DCDC1: variants seen among roughly 807,000 people sequenced by gnomAD.
DCDC1 encodes the protein doublecortin domain containing 1.
DCDC1 carries 200 observed loss-of-function variants against 178.3 expected under a neutral mutation model. That is an observed-to-expected ratio of 1.12 (90% CI 1.00 to 1.26). The LOEUF is 1.26. DCDC1 is among the 50% of genes most tolerant of loss of function. The pLI is 0.00. For missense variants in DCDC1, 1,983 were observed against 1,749.2 expected (o/e 1.13, Z -2.38); for synonymous variants, 690 against 604.8 (o/e 1.14, Z -2.07).
At chr11:31,135,709 T>C (rs1240225797) in intron 10 of DCDC1, among the ~76,000 whole-genome samples, 2 of 152,146 alleles carry the variant, frequency 1.3e-5, no homozygotes, top group African/African-American at 4.8e-5. Flanking sequence ...AAAAGACTTT[T>C]TGAGCCAGAG....
intron 21 of DCDC1, among the ~76,000 whole-genome samples, chr11:30,940,058 T>G (rs2134380086): frequency 6.6e-6 from 1 of 152,342 alleles, no homozygotes; most frequent in African/African-American, 2.4e-5. Context: ...CAAAGTTACT[T>G]GTAATATTCT....
Position 31,306,235 on chromosome 11 carries a change from G to T in DCDC1, c.588C>A (p.Thr196=), listed in dbSNP as rs148686927. Reference sequence around the variant, plus strand: ...AAAACTTTGGAACACTAGTTACCAAGGTGATGGTTGGTACAGTAACTCTGG... The same window carrying T: ...AAAACTTTGGAACACTAGTTACCAATGTGATGGTTGGTACAGTAACTCTGG... The part of the protein sequence containing the change: ...VFARVTVPTI[T]LLLEECTEKL... Residue 196 remains threonine, a synonymous_variant, in exon 5 of 39, where the codon ACC becomes ACA. Coordinates refer to ENST00000684477, the MANE Select transcript of DCDC1 (RefSeq NM_001387274.1). 338 of 1,532,376 alleles carry T rather than the reference G, an allele frequency of 2.2e-4. 1 individual carries two copies. The African/African-American group carries it at 4.3e-3, about 19-fold the overall frequency. The allele number at this position is 1,532,376 out of a possible 1,614,324, so 94.9% of individuals were successfully genotyped here.
At chr11:31,275,921 T>C (rs899813391) in intron 7 of DCDC1, among the ~76,000 whole-genome samples, 5 of 152,224 alleles carry the variant, frequency 3.3e-5, no homozygotes, top group African/African-American at 7.2e-5. Flanking sequence ...TAATCATTCA[T>C]AGAGACGAGA....
chr11:30,921,055 G>A, intron 24 of DCDC1, 120 bp from the exon 25 acceptor site: 1 of 981,888 alleles, frequency 1.0e-6, no homozygotes, highest in Non-Finnish European at 1.4e-6. Context: ...TCTATTCATA[G>A]GTTACTTATT....
At chr11:31,344,521 A>G (rs912137872) in intron 1 of DCDC1, among the ~76,000 whole-genome samples, 8 of 152,184 alleles carry the variant, frequency 5.3e-5, no homozygotes, top group African/African-American at 1.9e-4. Context: ...TGGACAAGTT[A>G]CGTAACATCT....
chr11:31,329,625 C>T (rs1949855274), intron 2 of DCDC1, among the ~76,000 whole-genome samples: 1 of 152,136 alleles, frequency 6.6e-6, no homozygotes, highest in Non-Finnish European at 1.5e-5. Context: ...GTTCAATTCC[C>T]ACCTATGAGT....
intron 8 of DCDC1, among the ~76,000 whole-genome samples, chr11:31,252,466 T>C (rs894953429): frequency 7.2e-5 from 11 of 152,146 alleles, no homozygotes; most frequent in African/African-American, 2.7e-4. Flanking sequence ...AAGTTCAATA[T>C]AGATTAATTA....
chr11:31,216,767 G>A (rs1053457177), intron 9 of DCDC1, among the ~76,000 whole-genome samples: 1 of 152,060 alleles, frequency 6.6e-6, no homozygotes, highest in African/African-American at 2.4e-5. Flanking sequence ...ATGGTCTGTG[G>A]CCTTCAATTT....
At chr11:30,942,849 C>T (rs1237010033) in intron 21 of DCDC1, among the ~76,000 whole-genome samples, 4 of 152,178 alleles carry the variant, frequency 2.6e-5, no homozygotes, top group African/African-American at 7.2e-5. Flanking sequence ...GAGATTAAAA[C>T]GTTAACTTGG....
intron 26 of DCDC1, 104 bp from the exon 27 acceptor site, chr11:30,915,815 G>C (rs960850800): frequency 4.7e-5 from 52 of 1,109,594 alleles, no homozygotes; most frequent in Non-Finnish European, 6.7e-5. Flanking sequence ...GAGCTCCAAC[G>C]TGAAACACGT....
intron 29 of DCDC1, among the ~76,000 whole-genome samples, chr11:30,908,392 T>C (rs945474626): frequency 6.6e-6 from 1 of 151,974 alleles, no homozygotes; most frequent in Non-Finnish European, 1.5e-5. Context: ...GAGTGTCACA[T>C]AGAGACCTTA....
chr11:31,299,874 TTTG>T (rs1340510034), intron 6 of DCDC1, among the ~76,000 whole-genome samples: 17 of 152,194 alleles, frequency 1.1e-4, no homozygotes, highest in Non-Finnish European at 1.9e-4. Flanking sequence ...ATTTATTTTT[TTTG>T]AGACAGAGTC....
chr11:31,076,763 T>G (rs1956888858), intron 18 of DCDC1, among the ~76,000 whole-genome samples: 1 of 152,222 alleles, frequency 6.6e-6, no homozygotes, highest in South Asian at 2.1e-4. Flanking sequence ...GGAAAATGGG[T>G]GATATACTTT....
At chr11:31,098,172 T>A (rs867259374) in intron 15 of DCDC1, among the ~76,000 whole-genome samples, 7 of 152,228 alleles carry the variant, frequency 4.6e-5, no homozygotes, top group Admixed American at 3.3e-4. Flanking sequence ...TATTTTCCCA[T>A]AACCAGGCAT....
At chr11:31,231,794 C>A (rs1298414078) in intron 9 of DCDC1, among the ~76,000 whole-genome samples, 1 of 152,160 alleles carries the variant, frequency 6.6e-6, no homozygotes, top group Non-Finnish European at 1.5e-5. Flanking sequence ...ATTATTTGGT[C>A]TGAATCAAAT....
intron 17 of DCDC1, 110 bp downstream of exon 17, chr11:31,091,283 T>C (rs959355183): frequency 1.8e-6 from 1 of 569,556 alleles, no homozygotes; most frequent in Non-Finnish European, 3.1e-6. Flanking sequence ...AACACAAATT[T>C]AAACATTGAA....
At chr11:31,074,137 G>A (rs940252239) in intron 18 of DCDC1, among the ~76,000 whole-genome samples, 3 of 152,006 alleles carry the variant, frequency 2.0e-5, no homozygotes, top group South Asian at 2.1e-4. Flanking sequence ...GAAATGGAAG[G>A]TATAGAAAGA....
intron 6 of DCDC1, among the ~76,000 whole-genome samples, chr11:31,301,100 CA>C (rs897006345): frequency 2.0e-5 from 3 of 152,018 alleles, no homozygotes; most frequent in Non-Finnish European, 4.4e-5. Context: ...ATAGAAAATA[CA>C]TAAAATATTT....
At chr11:31,253,329 A>T (rs373078324) in intron 8 of DCDC1, among the ~76,000 whole-genome samples, 1 of 151,252 alleles carries the variant, frequency 6.6e-6, no homozygotes, top group Non-Finnish European at 1.5e-5. Context: ...GCCCAGTTCC[A>T]TCGTAGATAT....
Sources: gnomAD v4.1 joint callset for allele counts (sites outside exome capture counted in the v4.1 genomes callset) on GRCh38, gnomAD v4.1.1 for gene constraint, MANE v1.5 for transcripts, NCBI Gene and HGNC (gene_info 2026-07-23, HGNC 2026-07-21) for gene names.